The following TRDN variants were observed in gnomAD, a reference collection of about 807,000 sequenced individuals.
The protein encoded by TRDN is triadin in skeletal muscle.
In TRDN, 161 loss-of-function variants were observed where a neutral mutation model predicts 149.7. The observed-to-expected ratio is 1.08, with a 90% CI of 0.95 to 1.23. TRDN has a LOEUF of 1.23. Among genes scored for constraint, TRDN ranks in the 50% most tolerant of loss-of-function variants. TRDN has a pLI of 0.00. For synonymous variants in TRDN, 294 were observed against 250.5 expected (o/e 1.17, Z -1.64); for missense variants, 896 against 823.5 (o/e 1.09, Z -1.08).
chr6:123,230,389 C>T (rs548007855), intron 38 of TRDN, among the ~76,000 whole-genome samples: 29 of 151,470 alleles, frequency 1.9e-4, no homozygotes, highest in East Asian at 7.8e-4. Context: ...GCCTGTCTTG[C>T]GGTGGGAGGA....
At chr6:123,583,284 A>G (rs980056030) in intron 1 of TRDN, among the ~76,000 whole-genome samples, 16 of 151,958 alleles carry the variant, frequency 1.1e-4, no homozygotes, top group Non-Finnish European at 2.2e-4. Flanking sequence ...ACTAGACAGA[A>G]GATAGTAGGG....
intron 9 of TRDN, among the ~76,000 whole-genome samples, chr6:123,468,414 C>T (rs559404833): frequency 6.6e-6 from 1 of 152,246 alleles, no homozygotes; most frequent in South Asian, 2.1e-4. Context: ...TTCCATAATA[C>T]CTGAATGGTA....
intron 1 of TRDN, among the ~76,000 whole-genome samples, chr6:123,587,032 C>T (rs148657191): frequency 2.6e-3 from 397 of 151,730 alleles, no homozygotes; most frequent in Non-Finnish European, 3.2e-3. Flanking sequence ...TCTAGAAAAG[C>T]GGGACTTGCT....
intron 9 of TRDN, among the ~76,000 whole-genome samples, chr6:123,467,455 C>G (rs1776892611): frequency 6.6e-6 from 1 of 151,966 alleles, no homozygotes; most frequent in Admixed American, 6.6e-5. Context: ...TTATTCTGCT[C>G]TCTAACATGG....
chr6:123,557,912 T>A (rs1424873101), intron 2 of TRDN, among the ~76,000 whole-genome samples: 1 of 151,564 alleles, frequency 6.6e-6, no homozygotes, highest in Non-Finnish European at 1.5e-5. Flanking sequence ...TCCCTTAGCC[T>A]GTGTTCTCAA....
At chr6:123,285,163 T>C (rs1004372517) in intron 24 of TRDN, among the ~76,000 whole-genome samples, 4 of 151,958 alleles carry the variant, frequency 2.6e-5, no homozygotes, top group Non-Finnish European at 4.4e-5. Flanking sequence ...AATACCATCA[T>C]TATTCTTCAC....
chr6:123,632,067 A>C (rs1443487142), intron 1 of TRDN, among the ~76,000 whole-genome samples: 1 of 152,070 alleles, frequency 6.6e-6, no homozygotes, highest in East Asian at 1.9e-4. Flanking sequence ...GTTTGTTTGA[A>C]TCATGATCCA....
chr6:123,388,294 T>C (rs769125841), intron 14 of TRDN, among the ~76,000 whole-genome samples: 1 of 152,152 alleles, frequency 6.6e-6, no homozygotes, highest in Non-Finnish European at 1.5e-5. Context: ...TGAGAAGCTA[T>C]GTTTTATTCC....
At chr6:123,346,809 C>A (rs920348207) in intron 21 of TRDN, among the ~76,000 whole-genome samples, 1 of 151,722 alleles carries the variant, frequency 6.6e-6, no homozygotes, top group Non-Finnish European at 1.5e-5. Context: ...TGTGATGCAA[C>A]CACATAGACA....
chr6:123,443,119 T>C (rs1775029803), intron 10 of TRDN, among the ~76,000 whole-genome samples: 1 of 151,968 alleles, frequency 6.6e-6, no homozygotes, highest in Non-Finnish European at 1.5e-5. Flanking sequence ...GAGTTGCAAA[T>C]ATCGATGGCA....
rs368262862 is a variant in TRDN at position 123,631,963 on chromosome 6, G to A, written c.22+4791C>T. Among the ~76,000 whole-genome samples the A allele has an allele frequency of 2.0e-4, 31 of 151,948 alleles. No individual in the cohort carries two copies. In the East Asian group the frequency reaches 2.1e-3, roughly 10 times the overall value. On this transcript the variant is annotated intron_variant, in intron 1 of 40. Transcript: ENST00000334268. ...TAATTTTAAAAGACAACCACAATAC[G>A]GTTATCCCACTAAAAATATAATTAT...
chr6:123,624,007 C>G (rs987854488), intron 1 of TRDN, among the ~76,000 whole-genome samples: 1 of 152,064 alleles, frequency 6.6e-6, no homozygotes, highest in African/African-American at 2.4e-5. Context: ...ACTGGCAGCC[C>G]AGTGTCAGAG....
chr6:123,378,059 T>C (rs1352574149), intron 16 of TRDN, among the ~76,000 whole-genome samples, 161 bp from the exon 17 acceptor site: 5 of 152,136 alleles, frequency 3.3e-5, no homozygotes, highest in Admixed American at 6.6e-5. Context: ...ATACTTAAAA[T>C]AATTCTTTTT....
intron 38 of TRDN, among the ~76,000 whole-genome samples, chr6:123,234,127 C>T (rs927165749): frequency 2.0e-5 from 3 of 152,152 alleles, no homozygotes; most frequent in African/African-American, 2.4e-5. Context: ...GTACTTCTGA[C>T]GCTAGTTTCC....
At chr6:123,553,126 T>A (rs1781479258) in intron 2 of TRDN, among the ~76,000 whole-genome samples, 1 of 152,136 alleles carries the variant, frequency 6.6e-6, no homozygotes, top group Non-Finnish European at 1.5e-5. Context: ...AGATTGTCTG[T>A]TGAATGACCA....
intron 5 of TRDN, among the ~76,000 whole-genome samples, chr6:123,521,199 T>G (rs1291878357): frequency 6.6e-6 from 1 of 152,090 alleles, no homozygotes; most frequent in Admixed American, 6.6e-5. Context: ...CATATGATAT[T>G]GTTATGGGTT....
Position 123,438,324 on chromosome 6 carries a change from A to ATT in TRDN, c.992-203_992-202insAA, listed in dbSNP as rs146284588. On this transcript the variant is annotated intron_variant, in intron 11 of 40. Coordinates refer to ENST00000334268, the MANE Select transcript of TRDN (RefSeq NM_006073.4). ...GTATAATTTCTCTTCAGGAAACAGA[A>ATT]CTTTTTTTTTTTTGCCAAAGGCAAA... Among the ~76,000 whole-genome samples the ATT allele has an allele frequency of 5.0e-3, 750 of 151,300 alleles. 6 individuals carry two copies. The highest frequency in any genetic ancestry group is 0.015 in the African/African-American group (606 of 41,118).
Position 123,437,133 on chromosome 6 carries a change from C to T in TRDN, c.1051+930G>A, listed in dbSNP as rs542549421. Among the ~76,000 whole-genome samples the T allele has an allele frequency of 2.2e-4, 34 of 151,938 alleles. No homozygotes were observed. The South Asian group carries it at 6.6e-3, about 30-fold the overall frequency. Reference sequence around the variant, plus strand: ...TCGAAACTGTCAAATAGTTGAATAACCTTATTTCTTAATAGGGTGCATTAT... The same window carrying T: ...TCGAAACTGTCAAATAGTTGAATAATCTTATTTCTTAATAGGGTGCATTAT... On this transcript the variant is annotated intron_variant, in intron 12 of 40. Transcript: ENST00000334268.
At chr6:123,314,180 T>C (rs1778935870) in intron 24 of TRDN, among the ~76,000 whole-genome samples, 1 of 151,924 alleles carries the variant, frequency 6.6e-6, no homozygotes, top group Non-Finnish European at 1.5e-5. Flanking sequence ...CATTAAAAAG[T>C]GGGCAAAATA....
Sources: gnomAD v4.1 joint callset for allele counts (sites outside exome capture counted in the v4.1 genomes callset) on GRCh38, gnomAD v4.1.1 for gene constraint, MANE v1.5 for transcripts, NCBI Gene and HGNC (gene_info 2026-07-23, HGNC 2026-07-21) for gene names.